The following CDH7 variants were observed in gnomAD, a reference collection of about 807,000 sequenced individuals.
CDH7 encodes cadherin-7.
A neutral mutation model predicts 71.8 loss-of-function variants in CDH7; 25 were observed. The ratio of observed to expected loss-of-function variants is 0.35; its 90% CI spans 0.25 to 0.49. The LOEUF is 0.49. Among genes scored for constraint, CDH7 ranks in the 20% least tolerant of loss-of-function variants. The pLI is 0.99. For missense variants in CDH7, 862 were observed against 974.6 expected, an observed-to-expected ratio of 0.88 and a Z score of 1.54; for synonymous variants, 381 against 363.8, an observed-to-expected ratio of 1.05 and a Z score of -0.54.
chr18:65,765,726 G>A (rs958263715), intron 2 of CDH7, among the ~76,000 whole-genome samples: 3 of 152,006 alleles, frequency 2.0e-5, no homozygotes, highest in Non-Finnish European at 4.4e-5. Context: ...GATACATTTT[G>A]TACCTTAACT....
intron 11 of CDH7, among the ~76,000 whole-genome samples, chr18:65,878,299 T>TA (rs1914128076): frequency 6.6e-6 from 1 of 152,234 alleles, no homozygotes; most frequent in African/African-American, 2.4e-5. Context: ...TAACTCTACT[T>TA]ACGTTATTTC....
intron 11 of CDH7, among the ~76,000 whole-genome samples, chr18:65,870,957 T>C (rs1913909114): frequency 6.6e-6 from 1 of 152,190 alleles, no homozygotes; most frequent in Non-Finnish European, 1.5e-5. Context: ...TGCACTCTAC[T>C]GAAAATTTTG....
intron 1 of CDH7, among the ~76,000 whole-genome samples, chr18:65,761,102 T>A (rs895298825): frequency 1.3e-5 from 2 of 152,218 alleles, no homozygotes; most frequent in Admixed American, 1.3e-4. Flanking sequence ...TTGTGTTCTC[T>A]GCACAGGGTG....
At chr18:65,782,109 T>TCCTTCCTTC (rs1429125651) in intron 2 of CDH7, among the ~76,000 whole-genome samples, 1 of 32,170 alleles carries the variant, frequency 3.1e-5, no homozygotes, top group African/African-American at 3.1e-4. Flanking sequence ...CTTCCTTCCT[T>TCCTTCCTTC]CTTTCTTTCT....
In CDH7 at chr18:65,796,166, GT is replaced by G. The variant is rs199929135; in HGVS notation, c.211-13535del. Reference sequence around the variant, plus strand: ...ACATAGATTTTTAAATCAAAATTTAGTTTCTTCTGTTGAATTATCTTAATCA... The same window carrying G: ...ACATAGATTTTTAAATCAAAATTTAGTTCTTCTGTTGAATTATCTTAATCA... On this transcript the variant is annotated intron_variant, in intron 2 of 11. Coordinates refer to ENST00000397968, the MANE Select transcript of CDH7 (RefSeq NM_004361.5). Among the ~76,000 whole-genome samples, 1,207 of 152,120 alleles carry G rather than the reference GT, an allele frequency of 7.9e-3. 23 individuals carry two copies. The highest frequency in any genetic ancestry group is 0.026 in the South Asian group (126 of 4,792).
intron 6 of CDH7, 65 bp from the exon 7 acceptor site, chr18:65,843,747 G>A: frequency 7.2e-7 from 1 of 1,392,280 alleles, no homozygotes; most frequent in Non-Finnish European, 9.5e-7. Context: ...ATTCATAAAT[G>A]AAAAGGCTCT....
chr18:65,787,329 T>C (rs1034926663), intron 2 of CDH7, among the ~76,000 whole-genome samples: 2 of 152,194 alleles, frequency 1.3e-5, no homozygotes, highest in Non-Finnish European at 2.9e-5. Context: ...TCCAAATTAT[T>C]GCTTCTGTTG....
intron 7 of CDH7, among the ~76,000 whole-genome samples, chr18:65,848,916 G>T (rs1414442249): frequency 2.0e-5 from 3 of 152,128 alleles, no homozygotes; most frequent in Non-Finnish European, 4.4e-5. Context: ...ATTACTTTAT[G>T]TGATGGATTA....
Position 65,886,318 on chromosome 18 carries a change from C to T in CDH7, c.*5424C>T, listed in dbSNP as rs560930075. ...GAGAATTTCTGTTTGGAGATACATACATTAAGGAAAAATATATGCAACTTG... is the reference window on the plus strand; with the variant it reads ...GAGAATTTCTGTTTGGAGATACATATATTAAGGAAAAATATATGCAACTTG... On this transcript the variant is annotated 3_prime_UTR_variant, in exon 12 of 12. Coordinates refer to ENST00000397968, the MANE Select transcript of CDH7 (RefSeq NM_004361.5). 24 of 152,162 alleles carry T rather than the reference C, an allele frequency of 1.6e-4. No homozygotes were observed. The highest frequency in any genetic ancestry group is 7.2e-4 in the Admixed American group (11 of 15,286). 9.4% of individuals were successfully genotyped at this position (152,162 alleles called of 1,614,324 possible).
At chr18:65,874,207 T>C (rs1240501501) in intron 11 of CDH7, among the ~76,000 whole-genome samples, 2 of 152,192 alleles carry the variant, frequency 1.3e-5, no homozygotes, top group African/African-American at 4.8e-5. Context: ...AAACAATGGA[T>C]TAAACTTAAG....
At chr18:65,857,068 A>G (rs1366376304) in intron 7 of CDH7, among the ~76,000 whole-genome samples, 9 of 151,724 alleles carry the variant, frequency 5.9e-5, no homozygotes, top group Admixed American at 5.3e-4. Flanking sequence ...CGTCAGAACA[A>G]AAGATATTAC....
At chr18:65,753,161 C>T (rs1196216941) in intron 1 of CDH7, among the ~76,000 whole-genome samples, 1 of 152,170 alleles carries the variant, frequency 6.6e-6, no homozygotes, top group Non-Finnish European at 1.5e-5. Flanking sequence ...ATGACTGTCT[C>T]TCCTGGGCAC....
At chr18:65,809,365 T>A (rs571646370) in intron 2 of CDH7, among the ~76,000 whole-genome samples, 1 of 152,220 alleles carries the variant, frequency 6.6e-6, no homozygotes, top group Non-Finnish European at 1.5e-5. Flanking sequence ...CCATTATACA[T>A]GTTTACTGAA....
Position 65,814,581 on chromosome 18 carries a change from A to G in CDH7, c.602A>G (p.Tyr201Cys). The G allele has an allele frequency of 6.2e-7, 1 of 1,613,434 alleles. No individual in the cohort carries two copies. The highest frequency in any genetic ancestry group is 8.5e-7 in the Non-Finnish European group (1 of 1,179,670). ...TACAGTATTCTGCAAGGACAGCCGTACTTCTCAGTGGAGCCAAAGACAGGT... is the reference window on the plus strand; with the variant it reads ...TACAGTATTCTGCAAGGACAGCCGTGCTTCTCAGTGGAGCCAAAGACAGGT... ...VVYSILQGQP[Y>C]FSVEPKTGVI... Residue 201 changes from tyrosine (Y) to cysteine (C), a missense_variant, in exon 4 of 12, where the codon TAC becomes TGC. Coordinates refer to ENST00000397968, the MANE Select transcript of CDH7 (RefSeq NM_004361.5).
At chr18:65,754,994 T>C (rs1423314184) in intron 1 of CDH7, among the ~76,000 whole-genome samples, 1 of 152,190 alleles carries the variant, frequency 6.6e-6, no homozygotes, top group Non-Finnish European at 1.5e-5. Flanking sequence ...CACCCTTTCT[T>C]CTTAGTCTGC....
At chr18:65,776,246 C>T (rs995067842) in intron 2 of CDH7, among the ~76,000 whole-genome samples, 2 of 151,882 alleles carry the variant, frequency 1.3e-5, no homozygotes, top group East Asian at 3.9e-4. Flanking sequence ...TTTATATATA[C>T]CAGAAACACT....
rs1249220610 is a variant in CDH7 at position 65,862,637 on chromosome 18, G to A, written c.1613-29G>A. 6 of 1,607,244 alleles carry A rather than the reference G, an allele frequency of 3.7e-6. No homozygotes were observed. In the East Asian group the frequency reaches 1.3e-4, roughly 36 times the overall value. ...GAAGACTGATTCCATCAGAAATCTGGTGTTATACATTTGCTTTCGTTATCC... is the reference window on the plus strand; with the variant it reads ...GAAGACTGATTCCATCAGAAATCTGATGTTATACATTTGCTTTCGTTATCC... On this transcript the variant is annotated intron_variant, in intron 10 of 11. Coordinates refer to ENST00000397968, the MANE Select transcript of CDH7 (RefSeq NM_004361.5).
At chr18:65,819,300 A>G (rs1387472494) in intron 4 of CDH7, among the ~76,000 whole-genome samples, 1 of 152,132 alleles carries the variant, frequency 6.6e-6, no homozygotes, top group African/African-American at 2.4e-5. Context: ...AGTATAAATA[A>G]ATTTGCCAAG....
intron 2 of CDH7, among the ~76,000 whole-genome samples, chr18:65,772,653 G>T (rs1334692683): frequency 6.6e-6 from 1 of 152,124 alleles, no homozygotes. Context: ...CTGTAATATG[G>T]TATAAAATAA....
Sources: allele counts gnomAD v4.1 joint callset (sites outside exome capture counted in the v4.1 genomes callset), GRCh38; gene constraint gnomAD v4.1.1; transcripts MANE v1.5; gene names NCBI Gene and HGNC (gene_info 2026-07-23, HGNC 2026-07-21).